SERPINB12: variants seen among roughly 807,000 people sequenced by gnomAD.
SERPINB12 encodes serpin B12.
In SERPINB12, 57 loss-of-function variants were observed where a neutral mutation model predicts 41.1. The ratio of observed to expected loss-of-function variants is 1.39; its 90% confidence interval spans 1.12 to 1.73. The LOEUF is 1.73. Among genes scored for constraint, SERPINB12 ranks in the 40% most tolerant of loss-of-function variants. The pLI, the probability that SERPINB12 is intolerant of heterozygous loss-of-function variation, is 0.00. For synonymous variants in SERPINB12, 180 were observed against 181.3 expected (o/e 0.99, Z 0.06); for missense variants, 536 against 501.9 (o/e 1.07, Z -0.65).
At chr18:63,528,696 C>T in the SERPINB12 span, among the ~76,000 whole-genome samples, 1 of 151,964 alleles carries the variant, frequency 6.6e-6, no homozygotes, top group Admixed American at 6.6e-5. Context: ...ATAACTTAGG[C>T]ATGTAAAAAG....
intron 1 of SERPINB12, among the ~76,000 whole-genome samples, chr18:63,548,186 C>T (rs944663974): frequency 2.0e-5 from 3 of 151,910 alleles, no homozygotes; most frequent in Non-Finnish European, 2.9e-5. Flanking sequence ...GAAGGTTTTA[C>T]GTGTGTAACA....
At chr18:63,537,437 A>G (rs1910195708), upstream of SERPINB12, among the ~76,000 whole-genome samples, 1 of 152,226 alleles carries the variant, frequency 6.6e-6, no homozygotes, top group African/African-American at 2.4e-5. Context: ...GGAGAATGGT[A>G]GAAAAGCACA....
chr18:63,558,998 C>CTTT (rs1180674871), intron 3 of SERPINB12, among the ~76,000 whole-genome samples: 44 of 118,702 alleles, frequency 3.7e-4, no homozygotes, highest in African/African-American at 1.5e-3. Flanking sequence ...TTCTTTCTTT[C>CTTT]CTTCCTTCTT....
intron 3 of SERPINB12, among the ~76,000 whole-genome samples, chr18:63,559,125 A>G (rs57925546): frequency 0.048 from 6,551 of 136,838 alleles, 477 homozygotes; most frequent in African/African-American, 0.17. Context: ...GTTTTTTCTG[A>G]GATGGAGTTT....
At chr18:63,531,451 GT>G in the SERPINB12 span, among the ~76,000 whole-genome samples, 4 of 151,640 alleles carry the variant, frequency 2.6e-5, no homozygotes, top group Admixed American at 1.3e-4. Flanking sequence ...CAGGCAAATA[GT>G]TTTTGAGGCA....
chr18:63,526,097 A>T, the SERPINB12 span, among the ~76,000 whole-genome samples: 1 of 152,208 alleles, frequency 6.6e-6, no homozygotes, highest in Admixed American at 6.5e-5. Flanking sequence ...AAAATCATGG[A>T]TCTTAAAAAC....
the SERPINB12 span, among the ~76,000 whole-genome samples, chr18:63,524,451 G>A: frequency 2.0e-5 from 3 of 151,742 alleles, no homozygotes; most frequent in Admixed American, 6.6e-5. Context: ...CACCATGCCC[G>A]GCTAATTTTT....
At chr18:63,558,999 C>CTTTCTTTCTTTCT (rs1555675571) in intron 3 of SERPINB12, among the ~76,000 whole-genome samples, 1 of 114,698 alleles carries the variant, frequency 8.7e-6, no homozygotes, top group Non-Finnish European at 1.8e-5. Context: ...TCTTTCTTTC[C>CTTTCTTTCTTTCT]TTCCTTCTTT....
chr18:63,562,042 A>G (rs1374923994), intron 5 of SERPINB12, among the ~76,000 whole-genome samples: 1 of 152,180 alleles, frequency 6.6e-6, no homozygotes, highest in Non-Finnish European at 1.5e-5. Context: ...ACAAAAAAGC[A>G]TGGTCTGAAC....
intron 3 of SERPINB12, among the ~76,000 whole-genome samples, chr18:63,558,999 C>CTTCTTTCT (rs796523073): frequency 9.6e-5 from 11 of 114,778 alleles, no homozygotes; most frequent in African/African-American, 2.9e-4. Context: ...TCTTTCTTTC[C>CTTCTTTCT]TTCCTTCTTT....
chr18:63,559,012 T>TTCTTTCTC (rs1382164686), intron 3 of SERPINB12, among the ~76,000 whole-genome samples: 12 of 57,134 alleles, frequency 2.1e-4, no homozygotes, highest in African/African-American at 5.9e-4. Context: ...CCTTCTTTCT[T>TTCTTTCTC]TCTTTCTTTC....
the SERPINB12 span, among the ~76,000 whole-genome samples, chr18:63,525,857 G>T: frequency 6.0e-4 from 91 of 152,204 alleles, 1 homozygote; most frequent in Non-Finnish European, 2.2e-4. Context: ...TGTGTATTTT[G>T]CCAATAATTC....
At chr18:63,526,848 G>A in the SERPINB12 span, among the ~76,000 whole-genome samples, 5 of 152,158 alleles carry the variant, frequency 3.3e-5, no homozygotes, top group Non-Finnish European at 7.4e-5. Flanking sequence ...GAACATCATA[G>A]AGTGTATTTA....
chr18:63,551,305 AG>A (rs1343199939), intron 1 of SERPINB12, among the ~76,000 whole-genome samples: 1 of 152,070 alleles, frequency 6.6e-6, no homozygotes, highest in African/African-American at 2.4e-5. Flanking sequence ...AACAAAAAAA[AG>A]AAAGTTTTCA....
chr18:63,555,378 GAGA>G (rs1306293476), intron 1 of SERPINB12, among the ~76,000 whole-genome samples: 1 of 152,162 alleles, frequency 6.6e-6, no homozygotes, highest in East Asian at 1.9e-4. Flanking sequence ...ACAATCTGTG[GAGA>G]AGAATGAGAT....
chr18:63,523,673 C>T, the SERPINB12 span, among the ~76,000 whole-genome samples: 1 of 152,144 alleles, frequency 6.6e-6, no homozygotes. Flanking sequence ...AGTACAGAAT[C>T]AAGTTATACT....
intron 1 of SERPINB12, among the ~76,000 whole-genome samples, chr18:63,554,956 C>T (rs1910627864): frequency 6.6e-6 from 1 of 152,152 alleles, no homozygotes; most frequent in African/African-American, 2.4e-5. Context: ...GGCAGTTCCT[C>T]CTTTTCTCTC....
chr18:63,537,622 G>T (rs1910199826), upstream of SERPINB12, among the ~76,000 whole-genome samples: 1 of 152,102 alleles, frequency 6.6e-6, no homozygotes, highest in African/African-American at 2.4e-5. Flanking sequence ...AAGCTTGGGA[G>T]ATGAAAACAA....
upstream of SERPINB12, among the ~76,000 whole-genome samples, chr18:63,540,444 T>G (rs1056230354): frequency 6.6e-6 from 1 of 151,978 alleles, no homozygotes; most frequent in Non-Finnish European, 1.5e-5. Context: ...ACTCTTAAAA[T>G]CCCACTGCTG....
Sources: gnomAD v4.1 joint callset for allele counts (sites outside exome capture counted in the v4.1 genomes callset) on GRCh38, gnomAD v4.1.1 for gene constraint, MANE v1.5 for transcripts, NCBI Gene and HGNC (gene_info 2026-07-23, HGNC 2026-07-21) for gene names.